The following NELL2 variants were observed in gnomAD, a reference collection of about 807,000 sequenced individuals.
NELL2 encodes the protein protein kinase C-binding protein NELL2.
Under a neutral mutation model 109.6 loss-of-function variants are expected in NELL2, and 41 were observed. The ratio of observed to expected loss-of-function variants is 0.37; its 90% confidence interval spans 0.29 to 0.49. NELL2 has a LOEUF of 0.49. NELL2 is among the 20% of genes least tolerant of loss of function. The probability of loss-of-function intolerance (pLI) is 0.98; values close to 1 mark genes in which losing one functional copy is unlikely to be tolerated. For missense variants in NELL2, 900 were observed against 1,008.3 expected (o/e 0.89, Z 1.45); for synonymous variants, 355 against 344.7 (o/e 1.03, Z -0.33).
At chr12:44,540,001 G>A (rs191089092) in intron 15 of NELL2, among the ~76,000 whole-genome samples, 2 of 152,122 alleles carry the variant, frequency 1.3e-5, no homozygotes, top group African/African-American at 4.8e-5. Context: ...TAACATGATA[G>A]TAAAATGATA....
chr12:44,837,724 G>A (rs1182066505), intron 2 of NELL2, among the ~76,000 whole-genome samples: 1 of 151,574 alleles, frequency 6.6e-6, no homozygotes, highest in Non-Finnish European at 1.5e-5. Flanking sequence ...ATATCTGCCA[G>A]ATCCTTTTCC....
chr12:44,652,719 T>C (rs1207341194), intron 13 of NELL2, among the ~76,000 whole-genome samples: 1 of 152,250 alleles, frequency 6.6e-6, no homozygotes, highest in Non-Finnish European at 1.5e-5. Flanking sequence ...TTAAACCTGG[T>C]AACTTGAACT....
chr12:44,919,927 T>C (rs1348374832), intron 1 of NELL2, among the ~76,000 whole-genome samples: 1 of 152,182 alleles, frequency 6.6e-6, no homozygotes, highest in Non-Finnish European at 1.5e-5. Flanking sequence ...AAAATGAGTG[T>C]TCACTTTTTG....
At chr12:44,624,877 C>T (rs530438641) in intron 13 of NELL2, among the ~76,000 whole-genome samples, 3 of 151,304 alleles carry the variant, frequency 2.0e-5, no homozygotes, top group South Asian at 4.2e-4. Flanking sequence ...GAAAGTGAGA[C>T]GTGACCATTA....
At chr12:44,548,488 T>A (rs1302539051) in intron 15 of NELL2, among the ~76,000 whole-genome samples, 1 of 150,554 alleles carries the variant, frequency 6.6e-6, no homozygotes, top group African/African-American at 2.4e-5. Flanking sequence ...GAGGTTGCAG[T>A]GAGCTGACAT....
chr12:44,670,156 A>C (rs55815562), intron 12 of NELL2, among the ~76,000 whole-genome samples: 4,364 of 152,234 alleles, frequency 0.029, 190 homozygotes, highest in African/African-American at 0.097. Flanking sequence ...ATCCCTCAAA[A>C]ATGAAGGGTA....
chr12:44,828,480 T>C (rs1943785056), intron 2 of NELL2, among the ~76,000 whole-genome samples: 1 of 152,196 alleles, frequency 6.6e-6, no homozygotes, highest in Admixed American at 6.5e-5. Flanking sequence ...AATAAACATA[T>C]ACATTTCTTC....
rs541345650 is a variant in NELL2, at chr12:44,827,516, T to C, written c.185-11380A>G. Reference sequence around the variant, plus strand: ...CTGGTAAGCATCCTTCTACTCTCTATCTCCATGAGTTCAATTATTTTAATT... The same window carrying C: ...CTGGTAAGCATCCTTCTACTCTCTACCTCCATGAGTTCAATTATTTTAATT... On this transcript the variant is annotated intron_variant, in intron 2 of 19. Transcript: ENST00000429094. Among the ~76,000 whole-genome samples the C allele has an allele frequency of 7.3e-5, 11 of 150,416 alleles. 1 individual carries two copies. Among genetic ancestry groups the C allele is most frequent in the Admixed American group, 6.6e-5 (1 of 15,050 alleles).
chr12:44,584,859 A>C (rs749600932), intron 15 of NELL2, among the ~76,000 whole-genome samples: 1 of 152,144 alleles, frequency 6.6e-6, no homozygotes, highest in African/African-American at 2.4e-5. Context: ...CAATATAGAC[A>C]ATGGATATAC....
At chr12:44,887,393 A>G (rs1945485896) in intron 1 of NELL2, among the ~76,000 whole-genome samples, 1 of 151,998 alleles carries the variant, frequency 6.6e-6, no homozygotes, top group Non-Finnish European at 1.5e-5. Flanking sequence ...CACCAAGAGT[A>G]TACAAGGGTT....
rs558200843 is a variant in NELL2 at position 44,546,698 on chromosome 12, C to T, written c.1664-13977G>A. Among the ~76,000 whole-genome samples the T allele has an allele frequency of 4.1e-4, 63 of 152,286 alleles. No homozygotes were observed. The South Asian group carries it at 6.0e-3, about 15-fold the overall frequency. ...TAAATTTTGTGTTCACTTTAACAAC[C>T]TATTTTTTCATGATCAATCAGATCA... On this transcript the variant is annotated intron_variant, in intron 15 of 19. Coordinates refer to ENST00000429094, the MANE Select transcript of NELL2 (RefSeq NM_001145108.2).
At chr12:44,585,647 T>A (rs1229540767) in intron 15 of NELL2, among the ~76,000 whole-genome samples, 1 of 152,112 alleles carries the variant, frequency 6.6e-6, no homozygotes, top group African/African-American at 2.4e-5. Flanking sequence ...TAATAGCAAG[T>A]CATAGAACAA....
chr12:44,835,275 C>A (rs797007157), intron 2 of NELL2, among the ~76,000 whole-genome samples: 3 of 152,180 alleles, frequency 2.0e-5, no homozygotes, highest in African/African-American at 7.2e-5. Flanking sequence ...AGACAGCCAA[C>A]AGGAAGGCAG....
At chr12:44,816,219 C>CT in intron 2 of NELL2, 83 bp from the exon 3 acceptor site, 1 of 1,262,326 alleles carries the variant, frequency 7.9e-7, no homozygotes, top group Non-Finnish European at 1.1e-6. Flanking sequence ...TTTCAAAAAA[C>CT]TTTATCAAGT....
chr12:44,650,415 CTT>C (rs1362385722), intron 13 of NELL2, among the ~76,000 whole-genome samples: 4 of 151,912 alleles, frequency 2.6e-5, no homozygotes, highest in Non-Finnish European at 5.9e-5. Context: ...CCTGCCTCAG[CTT>C]CCGGAGTAGC....
intron 13 of NELL2, among the ~76,000 whole-genome samples, chr12:44,614,569 C>G (rs1317775420): frequency 6.6e-6 from 1 of 152,036 alleles, no homozygotes; most frequent in African/African-American, 2.4e-5. Flanking sequence ...ATAATATACA[C>G]AGTTGGATGC....
In NELL2 at chr12:44,876,167, C is replaced by G. The variant is rs958632010; in HGVS notation, c.-298G>C. The G allele has an allele frequency of 1.0e-5, 13 of 1,254,036 alleles. No individual in the cohort carries two copies. The South Asian group carries it at 2.2e-4, about 22-fold the overall frequency. 77.7% of individuals were successfully genotyped at this position (1,254,036 alleles called of 1,614,324 possible). On this transcript the variant is annotated 5_prime_UTR_variant, in exon 1 of 20. Coordinates refer to ENST00000429094, the MANE Select transcript of NELL2 (RefSeq NM_001145108.2). ...CGGACTCGCCCCGGCGCGGCTCCGT[C>G]GGGGAATTAGCTCCCGAGCCGAATA...
At chr12:44,892,480 T>A (rs1485174679) in intron 1 of NELL2, among the ~76,000 whole-genome samples, 1 of 152,156 alleles carries the variant, frequency 6.6e-6, no homozygotes, top group East Asian at 1.9e-4. Context: ...AAGGTAAATC[T>A]TCTTCTTATC....
intron 12 of NELL2, among the ~76,000 whole-genome samples, chr12:44,689,390 C>T (rs527591932): frequency 6.6e-6 from 1 of 152,234 alleles, no homozygotes; most frequent in South Asian, 2.1e-4. Flanking sequence ...AGTTTTTATA[C>T]CTAATTTTGT....
Sources: gnomAD v4.1 joint callset for allele counts (sites outside exome capture counted in the v4.1 genomes callset) on GRCh38, gnomAD v4.1.1 for gene constraint, MANE v1.5 for transcripts, NCBI Gene and HGNC (gene_info 2026-07-23, HGNC 2026-07-21) for gene names.